DNAAF1: variants seen among roughly 807,000 people sequenced by gnomAD.
The protein encoded by DNAAF1 is dynein assembly factor 1, axonemal.
A neutral mutation model predicts 71.1 loss-of-function variants in DNAAF1; 65 were observed. The observed-to-expected ratio is 0.91, with a 90% CI of 0.75 to 1.12. The LOEUF is 1.12. Among genes scored for constraint, DNAAF1 ranks in the 50% most tolerant of loss-of-function variants. DNAAF1 has a pLI of 0.00. For synonymous variants in DNAAF1, 414 were observed against 354.6 expected, an observed-to-expected ratio of 1.17 and a Z score of -1.88; for missense variants, 1,178 against 899.8, an observed-to-expected ratio of 1.31 and a Z score of -3.96.
Position 84,172,376 on chromosome 16 carries a change from G to A in DNAAF1, c.1644+1G>A. ...GACAAAGGAGACATTCTGCATTGATGTACATGAAGTATTTAATCTTGGAGA... is the reference window on the plus strand; with the variant it reads ...GACAAAGGAGACATTCTGCATTGATATACATGAAGTATTTAATCTTGGAGA... On this transcript the variant is annotated splice_donor_variant, in intron 9 of 11. Coordinates refer to ENST00000378553, the MANE Select transcript of DNAAF1 (RefSeq NM_178452.6). LOFTEE classifies it high-confidence loss of function. The A allele has an allele frequency of 1.2e-6, 2 of 1,613,660 alleles. No homozygotes were observed. The highest frequency in any genetic ancestry group is 1.7e-6 in the Non-Finnish European group (2 of 1,179,634).
intron 2 of DNAAF1, 56 bp from the exon 3 acceptor site, chr16:84,150,195 A>T: frequency 7.5e-7 from 1 of 1,331,934 alleles, no homozygotes. Context: ...CTGTGAGAAT[A>T]TGTTTTACAG....
At chr16:84,159,824 A>G (rs775058929) in intron 6 of DNAAF1, 28 bp downstream of exon 6, 6 of 1,611,910 alleles carry the variant, frequency 3.7e-6, no homozygotes, top group Admixed American at 3.3e-5. Flanking sequence ...TTCTGATCAC[A>G]TTTTAATATT....
chr16:84,167,996 G>A (rs551463092), intron 7 of DNAAF1, among the ~76,000 whole-genome samples: 40 of 150,630 alleles, frequency 2.7e-4, no homozygotes, highest in African/African-American at 8.8e-4. Context: ...CAGCCTGGGC[G>A]ACAAGAGCGA....
intron 5 of DNAAF1, among the ~76,000 whole-genome samples, chr16:84,159,395 C>A (rs146855876): frequency 1.3e-5 from 2 of 152,274 alleles, no homozygotes; most frequent in East Asian, 3.9e-4. Flanking sequence ...CAGAAAAAGC[C>A]TCAGGAAATG....
intron 7 of DNAAF1, among the ~76,000 whole-genome samples, chr16:84,166,367 TTTC>T (rs1341802444): frequency 1.8e-3 from 265 of 145,794 alleles, no homozygotes; most frequent in African/African-American, 6.7e-3. Flanking sequence ...ATTTTCTTTT[TTTC>T]TTTTTTTTTT....
intron 7 of DNAAF1, among the ~76,000 whole-genome samples, chr16:84,166,191 T>C (rs1238065875): frequency 6.6e-6 from 1 of 151,560 alleles, no homozygotes; most frequent in Non-Finnish European, 1.5e-5. Context: ...GAGCTGGGAT[T>C]ATGGGCACGT....
At chr16:84,166,461 C>T (rs1416919509) in intron 7 of DNAAF1, among the ~76,000 whole-genome samples, 1 of 149,510 alleles carries the variant, frequency 6.7e-6, no homozygotes, top group Admixed American at 6.7e-5. Context: ...ACTGCAACCT[C>T]TGCCTCAAGT....
In DNAAF1 at chr16:84,177,867, A is replaced by G. The variant is rs750742858; in HGVS notation, c.*26A>G. On this transcript the variant is annotated 3_prime_UTR_variant, in exon 12 of 12. Transcript: ENST00000378553. Reference sequence around the variant, plus strand: ...TTTTCCCCAGTTATATGTAGCATAAATGGTTTAATCATAAATGTCTCCCTT... The same window carrying G: ...TTTTCCCCAGTTATATGTAGCATAAGTGGTTTAATCATAAATGTCTCCCTT... 9 of 1,575,614 alleles carry G rather than the reference A, an allele frequency of 5.7e-6. No homozygotes were observed. Among genetic ancestry groups the G allele is most frequent in the Non-Finnish European group, 7.9e-6 (9 of 1,145,192 alleles).
In DNAAF1 at chr16:84,145,387, C is replaced by A. The variant is rs2086850179; in HGVS notation, c.-54C>A. The A allele has an allele frequency of 2.6e-6, 4 of 1,558,502 alleles. No homozygotes were observed. The highest frequency in any genetic ancestry group is 3.5e-6 in the Non-Finnish European group (4 of 1,151,986). ...TGGGCTGGGGCCGTAGCGACGTCCGCCGCGAACCTGGGCCCCCCAAAGCTG... is the reference window on the plus strand; with the variant it reads ...TGGGCTGGGGCCGTAGCGACGTCCGACGCGAACCTGGGCCCCCCAAAGCTG... On this transcript the variant is annotated 5_prime_UTR_variant, in exon 1 of 12. Transcript: ENST00000378553.
rs778916785 is a variant in DNAAF1 at position 84,156,851 on chromosome 16, C to CTTTTTTTTTT, written c.741+1112_741+1121dup. ...TTCCTTTCCTTTTCTTTCTTTCTTT[C>CTTTTTTTTTT]TTTTTTTTTTTTTTTTTTTGAGACA... On this transcript the variant is annotated intron_variant, in intron 5 of 11. Transcript: ENST00000378553. 2.9e-4 allele frequency among the ~76,000 whole-genome samples: 32 copies of CTTTTTTTTTT among 111,814 alleles called. 1 individual carries two copies. The highest frequency in any genetic ancestry group is 6.5e-4 in the African/African-American group (18 of 27,766). The allele number at this position is 111,814 out of a possible 152,430, so 73.4% of individuals were successfully genotyped here. A position where few individuals can be genotyped will look rare whatever the true frequency, so the allele number is the denominator to read the frequency against.
intron 6 of DNAAF1, among the ~76,000 whole-genome samples, chr16:84,163,732 T>A (rs544406639): frequency 1.3e-5 from 2 of 152,168 alleles, no homozygotes; most frequent in Non-Finnish European, 2.9e-5. Flanking sequence ...CTCATTGTGG[T>A]TTCCATCTGC....
rs538204104 is a variant in DNAAF1 at position 84,168,140 on chromosome 16, C to T, written c.1031-1719C>T. Among the ~76,000 whole-genome samples the T allele has an allele frequency of 3.3e-4, 50 of 152,310 alleles. 1 individual carries two copies. In the South Asian group the frequency reaches 0.01, roughly 31 times the overall value. On this transcript the variant is annotated intron_variant, in intron 7 of 11. Transcript: ENST00000378553. ...AGGGTTGTGTACCTTCTGGGGGCCC[C>T]AGGGGAGAACCCGCTTCCTTGCCTT...
At chr16:84,157,417 G>A (rs1567544821) in intron 5 of DNAAF1, among the ~76,000 whole-genome samples, 2 of 151,628 alleles carry the variant, frequency 1.3e-5, no homozygotes, top group East Asian at 3.9e-4. Context: ...CAGCTACTTG[G>A]GAGGCTGAGG....
rs368257442 is a variant in DNAAF1, at chr16:84,146,141, AG to A, written c.124+579del. Among the ~76,000 whole-genome samples the A allele has an allele frequency of 9.6e-4, 146 of 152,290 alleles. 4 individuals are homozygous for A. In the South Asian group the frequency reaches 0.026, roughly 27 times the overall value. On this transcript the variant is annotated intron_variant, in intron 1 of 11. Coordinates refer to ENST00000378553, the MANE Select transcript of DNAAF1 (RefSeq NM_178452.6). ...CAAGCAAACAAAACCCACCAGACTCAGGCCCAGACAGTCTGGGTCTCCAGAG... is the reference window on the plus strand; with the variant it reads ...CAAGCAAACAAAACCCACCAGACTCAGCCCAGACAGTCTGGGTCTCCAGAG...
chr16:84,172,919 C>G (rs1452346557), intron 9 of DNAAF1: 25 of 1,007,084 alleles, frequency 2.5e-5, no homozygotes, highest in African/African-American at 3.5e-5. Context: ...TCACTCTTCC[C>G]TGAAGCTCTT....
At position 84,176,298 on chromosome 16, in the gene DNAAF1, G is replaced by T; in HGVS notation, c.2064G>T (p.Pro688=). ...RDSDFLAASS[P]VPTESAATPP... ...GCGACTTCCTTGCAGCCTCTTCTCC[G>T]GGTAAGAGCGTGGGGCCGAGAGCAC... Residue 688 remains proline, a splice_region_variant and synonymous_variant, in exon 11 of 12, where the codon CCG becomes CCT. Transcript: ENST00000378553. 1 of 1,613,188 alleles carries T rather than the reference G, an allele frequency of 6.2e-7. No homozygotes were observed. The highest frequency in any genetic ancestry group is 2.2e-5 in the East Asian group (1 of 44,884).
At chr16:84,147,950 C>T (rs1173636486) in intron 1 of DNAAF1, among the ~76,000 whole-genome samples, 1 of 152,052 alleles carries the variant, frequency 6.6e-6, no homozygotes, top group Non-Finnish European at 1.5e-5. Context: ...CGCTGGTAAT[C>T]CTAGCTACTT....
chr16:84,148,592 C>CTTTTTTTTTTTTTTTTTTTTTTTTT, intron 1 of DNAAF1, among the ~76,000 whole-genome samples: 1 of 33,484 alleles, frequency 3.0e-5, no homozygotes, highest in Non-Finnish European at 6.6e-5. Context: ...TTCTCTCTCT[C>CTTTTTTTTTTTTTTTTTTTTTTTTT]TCTCTTTTTT....
chr16:84,177,244 G>A (rs2088754603), intron 11 of DNAAF1: 2 of 233,852 alleles, frequency 8.6e-6, no homozygotes, highest in Non-Finnish European at 1.7e-5. Flanking sequence ...GCAGCCTCGG[G>A]CGGGGGCAGG....
Sources: allele counts gnomAD v4.1 joint callset (sites outside exome capture counted in the v4.1 genomes callset), GRCh38; gene constraint gnomAD v4.1.1; transcripts MANE v1.5; gene names NCBI Gene and HGNC (gene_info 2026-07-23, HGNC 2026-07-21).